Variants in SPTBN1 observed in about 807,000 individuals in gnomAD.
The protein encoded by SPTBN1 is spectrin beta, non-erythrocytic 1.
SPTBN1 carries 32 observed loss-of-function variants against 266.4 expected under a neutral mutation model. The ratio of observed to expected loss-of-function variants is 0.12; its 90% CI spans 0.09 to 0.16. The LOEUF is 0.16. SPTBN1 is among the 10% of genes least tolerant of loss of function. The pLI, the probability that SPTBN1 is intolerant of heterozygous loss-of-function variation, is 1.00. For synonymous variants in SPTBN1, 1,336 were observed against 1,162.2 expected, an observed-to-expected ratio of 1.15 and a Z score of -3.04; for missense variants, 2,296 against 3,067.1, an observed-to-expected ratio of 0.75 and a Z score of 5.94.
Position 54,475,115 on chromosome 2 carries a change from A to G in SPTBN1, c.-48+18597A>G, listed in dbSNP as rs373180133. 5.3e-5 allele frequency among the ~76,000 whole-genome samples: 8 copies of G among 152,352 alleles called. No individual in the cohort carries two copies. In the East Asian group the frequency reaches 1.5e-3, roughly 29 times the overall value. ...CAGCTACTCAGGAGGCCGAGTCAGG[A>G]GAATCACTTGAGCCCGGGAGGCAGA... On this transcript the variant is annotated intron_variant, in intron 1 of 35. Coordinates refer to ENST00000356805, the MANE Select transcript of SPTBN1 (RefSeq NM_003128.3).
intron 2 of SPTBN1, among the ~76,000 whole-genome samples, chr2:54,530,397 C>T (rs965769116): frequency 3.8e-5 from 4 of 106,456 alleles, no homozygotes; most frequent in Admixed American, 2.8e-4. Flanking sequence ...CTTGCTCTGT[C>T]GTCCAGGCTG....
At chr2:54,601,048 G>T (rs1676467342) in intron 3 of SPTBN1, among the ~76,000 whole-genome samples, 1 of 152,112 alleles carries the variant, frequency 6.6e-6, no homozygotes, top group Non-Finnish European at 1.5e-5. Flanking sequence ...TTAGATGTGT[G>T]TGAGTATCTC....
intron 17 of SPTBN1, among the ~76,000 whole-genome samples, chr2:54,636,087 C>T (rs898636471): frequency 1.8e-4 from 27 of 152,332 alleles, no homozygotes; most frequent in African/African-American, 6.3e-4. Context: ...CCATCTGTAG[C>T]ATATGCCATT....
chr2:54,629,760 C>A lies in SPTBN1; in HGVS notation c.2626C>A (p.Gln876Lys), dbSNP rs765628306. 20 of 1,610,648 alleles carry A rather than the reference C, an allele frequency of 1.2e-5. No homozygotes were observed. The highest frequency in any genetic ancestry group is 3.3e-4 in the Middle Eastern group (2 of 6,082). The stretch of plus-strand genomic sequence containing the variant: ...GAAGGAGCAGTGGCTCAACAACATG[C>A]AGATCCCAGAGAAGCTGGAGGATCT... ...DEKEQWLNNM[Q>K]IPEKLEDLEV... Residue 876 changes from glutamine to lysine, a missense_variant, in exon 14 of 36, where the codon CAG (glutamine) becomes AAG (lysine). Coordinates refer to ENST00000356805, the MANE Select transcript of SPTBN1 (RefSeq NM_003128.3).
intron 1 of SPTBN1, among the ~76,000 whole-genome samples, chr2:54,462,053 T>C (rs1693394478): frequency 6.6e-6 from 1 of 152,220 alleles, no homozygotes; most frequent in Admixed American, 6.5e-5. Context: ...ATACTAGCCT[T>C]ATGGCTACCA....
At chr2:54,510,242 G>A (rs1050198401) in intron 1 of SPTBN1, among the ~76,000 whole-genome samples, 20 of 152,102 alleles carry the variant, frequency 1.3e-4, no homozygotes, top group Non-Finnish European at 1.0e-4. Flanking sequence ...CACTGTGCCC[G>A]GCCATTCTTT....
chr2:54,572,123 A>T (rs1674128051), intron 2 of SPTBN1, among the ~76,000 whole-genome samples: 1 of 152,110 alleles, frequency 6.6e-6, no homozygotes, highest in African/African-American at 2.4e-5. Flanking sequence ...TTTGGTGAGG[A>T]GAAGAGGAGA....
chr2:54,585,513 G>A (rs564530993), intron 2 of SPTBN1, among the ~76,000 whole-genome samples: 80 of 152,298 alleles, frequency 5.3e-4, no homozygotes, highest in African/African-American at 1.9e-3. Flanking sequence ...AAGAAATCTT[G>A]TATAACCATT....
At chr2:54,535,766 G>A (rs921784454) in intron 2 of SPTBN1, among the ~76,000 whole-genome samples, 30 of 152,182 alleles carry the variant, frequency 2.0e-4, no homozygotes, top group Non-Finnish European at 3.4e-4. Flanking sequence ...GCTCACACCT[G>A]TAATCCCAGC....
intron 26 of SPTBN1, 79 bp downstream of exon 26, chr2:54,650,068 C>T (rs1347547974): frequency 1.3e-6 from 2 of 1,501,020 alleles, no homozygotes; most frequent in Non-Finnish European, 1.8e-6. Flanking sequence ...AAGTATCTCC[C>T]TGTTCCTTGG....
intron 1 of SPTBN1, among the ~76,000 whole-genome samples, chr2:54,494,820 A>G (rs932191522): frequency 4.6e-5 from 7 of 152,176 alleles, no homozygotes; most frequent in Non-Finnish European, 7.3e-5. Context: ...GTTGATGGCA[A>G]TGATGGTTTC....
chr2:54,608,967 A>G (rs1438763544), intron 3 of SPTBN1, among the ~76,000 whole-genome samples: 1 of 152,132 alleles, frequency 6.6e-6, no homozygotes, highest in Non-Finnish European at 1.5e-5. Flanking sequence ...ATTAAGTGGA[A>G]GTGGATCATC....
intron 3 of SPTBN1, among the ~76,000 whole-genome samples, chr2:54,607,851 C>T (rs529151350): frequency 2.3e-4 from 35 of 152,290 alleles, no homozygotes; most frequent in African/African-American, 8.4e-4. Flanking sequence ...CAACCACATT[C>T]TTCTGTTTTT....
Position 54,653,902 on chromosome 2 carries a change from AAC to A in SPTBN1, c.5822+53_5822+54del. The A allele has an allele frequency of 6.3e-7, 1 of 1,588,346 alleles. No individual in the cohort carries two copies. Among genetic ancestry groups the A allele is most frequent in the Non-Finnish European group, 8.5e-7 (1 of 1,173,526 alleles). On this transcript the variant is annotated intron_variant, in intron 27 of 35. Transcript: ENST00000356805. The surrounding 1 kb of genome is among the most constrained non-coding windows in gnomAD (Gnocchi z 5.1). ...ATTGGACTTATTGGCGCTTGGTTAA[AAC>A]ACAGGAGTCTTCCAGAGAGAAGCAG...
chr2:54,463,572 C>G (rs1693479238), intron 1 of SPTBN1, among the ~76,000 whole-genome samples: 1 of 152,208 alleles, frequency 6.6e-6, no homozygotes, highest in African/African-American at 2.4e-5. Flanking sequence ...CCCTCAACAT[C>G]TTCATCTGTA....
chr2:54,630,062 C>CA, intron 15 of SPTBN1, 33 bp downstream of exon 15: 17 of 1,604,740 alleles, frequency 1.1e-5, no homozygotes, highest in Non-Finnish European at 1.4e-5. Flanking sequence ...GCCAGCCTCC[C>CA]ACGTGTGGGA....
chr2:54,492,054 A>G (rs1230212447), intron 1 of SPTBN1, among the ~76,000 whole-genome samples: 1 of 152,208 alleles, frequency 6.6e-6, no homozygotes, highest in Non-Finnish European at 1.5e-5. Flanking sequence ...AGACCTCAAG[A>G]TAATTATTTT....
At chr2:54,606,912 T>C (rs1262362546) in intron 3 of SPTBN1, among the ~76,000 whole-genome samples, 1 of 152,230 alleles carries the variant, frequency 6.6e-6, no homozygotes, top group African/African-American at 2.4e-5. Flanking sequence ...TACAGAATTT[T>C]AGATTAAGCC....
intron 11 of SPTBN1, 45 bp from the exon 12 acceptor site, chr2:54,625,887 G>T: frequency 6.3e-7 from 1 of 1,581,218 alleles, no homozygotes; most frequent in African/African-American, 1.3e-5. Context: ...TACTGTGCCC[G>T]GGTGGATTTT....
Sources: allele counts gnomAD v4.1 joint callset (sites outside exome capture counted in the v4.1 genomes callset), GRCh38; gene constraint gnomAD v4.1.1; non-coding constraint Gnocchi (gnomAD v3.1); transcripts MANE v1.5; gene names NCBI Gene and HGNC (gene_info 2026-07-23, HGNC 2026-07-21).